ATP9B: variants seen among roughly 807,000 people sequenced by gnomAD.
ATP9B encodes ATPase phospholipid transporting 9B, also known as probable phospholipid-transporting ATPase IIB.
ATP9B carries 110 observed loss-of-function variants against 146.1 expected under a neutral mutation model. The ratio of observed to expected loss-of-function variants is 0.75; its 90% CI spans 0.65 to 0.88. The LOEUF (loss-of-function observed/expected upper bound fraction) is 0.88. Ranked by LOEUF, ATP9B falls within the 40% of genes least tolerant of loss-of-function variation. The pLI is 0.00. For synonymous variants in ATP9B, 604 were observed against 569.7 expected (o/e 1.06, Z -0.86); for missense variants, 1,499 against 1,496.4 (o/e 1.00, Z -0.03).
At chr18:79,249,079 TA>T (rs57366646) in intron 11 of ATP9B, among the ~76,000 whole-genome samples, 12,298 of 140,988 alleles carry the variant, frequency 0.087, 708 homozygotes, top group African/African-American at 0.18. Flanking sequence ...AGCATTCATT[TA>T]AAAAAAAAAA....
At chr18:79,348,009 G>C in intron 24 of ATP9B, 84 bp downstream of exon 24, 2 of 1,598,320 alleles carry the variant, frequency 1.3e-6, no homozygotes, top group African/African-American at 2.8e-5. Context: ...CGGGAGTGGG[G>C]GTGCTGAGTG....
At position 79,157,396 on chromosome 18, in the gene ATP9B, C is replaced by CAAAAA. The variant is rs147316668; in HGVS notation, c.778+2865_778+2869dup. Among the ~76,000 whole-genome samples, 26 of 48,586 alleles carry CAAAAA rather than the reference C, an allele frequency of 5.4e-4. 2 individuals are homozygous for CAAAAA. The highest frequency in any genetic ancestry group is 1.2e-3 in the African/African-American group (12 of 9,950). The allele number at this position is 48,586 out of a possible 152,430, so 31.9% of individuals were successfully genotyped here. Reference sequence around the variant, plus strand: ...GGGTGACGAGAGTGAAACTCCATCTCAAAAAAAAAAAAAAAAAAAAAAAAA... The same window carrying CAAAAA: ...GGGTGACGAGAGTGAAACTCCATCTCAAAAAAAAAAAAAAAAAAAAAAAAAAAAAA... On this transcript the variant is annotated intron_variant, in intron 7 of 29. Coordinates refer to ENST00000426216, the MANE Select transcript of ATP9B (RefSeq NM_198531.5).
intron 13 of ATP9B, among the ~76,000 whole-genome samples, chr18:79,287,905 G>A (rs1459647786): frequency 6.7e-6 from 1 of 149,114 alleles, no homozygotes; most frequent in African/African-American, 2.5e-5. Flanking sequence ...AGGTTGTTCA[G>A]TTTCCATGTA....
chr18:79,337,480 C>A, intron 19 of ATP9B, 31 bp downstream of exon 19: 1 of 1,590,640 alleles, frequency 6.3e-7, no homozygotes, highest in Non-Finnish European at 8.5e-7. Flanking sequence ...CTGGCGCGCG[C>A]TGCTTTTGCT....
chr18:79,256,376 TTAGC>T (rs2096081622), intron 12 of ATP9B, among the ~76,000 whole-genome samples: 2 of 149,728 alleles, frequency 1.3e-5, no homozygotes, highest in Non-Finnish European at 3.0e-5. Flanking sequence ...ATAAACAGCA[TTAGC>T]TAGGTGGTAG....
intron 28 of ATP9B, among the ~76,000 whole-genome samples, chr18:79,374,519 C>T (rs7237398): frequency 0.16 from 10,582 of 66,580 alleles, 77 homozygotes; most frequent in East Asian, 0.24. Context: ...ACTGGCTGGC[C>T]GGTCCCCTGA....
intron 7 of ATP9B, among the ~76,000 whole-genome samples, chr18:79,176,012 C>A (rs914690908): frequency 6.6e-6 from 1 of 152,194 alleles, no homozygotes; most frequent in African/African-American, 2.4e-5. Flanking sequence ...ACCTTACTTT[C>A]TTTATTTCAC....
chr18:79,266,828 T>C (rs2096208568), intron 12 of ATP9B, among the ~76,000 whole-genome samples: 1 of 152,098 alleles, frequency 6.6e-6, no homozygotes, highest in Non-Finnish European at 1.5e-5. Flanking sequence ...TAGTATTTTG[T>C]TTATTATTAG....
At chr18:79,291,745 T>G (rs1274397060) in intron 13 of ATP9B, among the ~76,000 whole-genome samples, 1 of 152,240 alleles carries the variant, frequency 6.6e-6, no homozygotes, top group Non-Finnish European at 1.5e-5. Context: ...CATGATTGAT[T>G]AGCAACGGAA....
intron 7 of ATP9B, chr18:79,173,645 ACT>A: frequency 2.2e-6 from 1 of 446,790 alleles, no homozygotes; most frequent in South Asian, 1.6e-5. Flanking sequence ...TGTTGGGGGG[ACT>A]CTCTCTGGGT....
At chr18:79,264,668 T>G (rs940452694) in intron 12 of ATP9B, among the ~76,000 whole-genome samples, 4 of 97,566 alleles carry the variant, frequency 4.1e-5, no homozygotes, top group African/African-American at 1.1e-4. Flanking sequence ...TGTAAGTGTT[T>G]TTTGTTTTTT....
At chr18:79,328,054 C>G (rs112714658) in intron 15 of ATP9B, among the ~76,000 whole-genome samples, 1,343 of 39,634 alleles carry the variant, frequency 0.034, 4 homozygotes, top group African/African-American at 0.053. Context: ...CGTGCTCTCT[C>G]TGGTTAGCGT....
intron 11 of ATP9B, among the ~76,000 whole-genome samples, chr18:79,230,814 G>A (rs1161885411): frequency 6.6e-6 from 1 of 151,990 alleles, no homozygotes; most frequent in Non-Finnish European, 1.5e-5. Flanking sequence ...TATAAAAACA[G>A]GCATATAGAC....
chr18:79,237,955 A>G (rs1227313432), intron 11 of ATP9B, among the ~76,000 whole-genome samples: 15 of 152,052 alleles, frequency 9.9e-5, no homozygotes, highest in South Asian at 2.1e-4. Flanking sequence ...TTCTCAAAGT[A>G]TTGGAATTAC....
intron 1 of ATP9B, among the ~76,000 whole-genome samples, chr18:79,091,089 C>T (rs185132161): frequency 7.9e-5 from 12 of 152,152 alleles, no homozygotes; most frequent in Admixed American, 2.0e-4. Context: ...ACAAGTTCAC[C>T]ATAGATGTGT....
intron 2 of ATP9B, among the ~76,000 whole-genome samples, chr18:79,099,121 A>G (rs551802768): frequency 1.5e-4 from 23 of 152,254 alleles, no homozygotes; most frequent in African/African-American, 4.3e-4. Flanking sequence ...TCAGGTCTCC[A>G]ATATTCTTCC....
At chr18:79,154,453 A>G (rs754050054) in intron 6 of ATP9B, 51 bp from the exon 7 acceptor site, 7 of 1,304,372 alleles carry the variant, frequency 5.4e-6, no homozygotes, top group African/African-American at 1.5e-5. Flanking sequence ...GAATTGTGTT[A>G]ATTTGTAAAC....
At position 79,292,118 on chromosome 18, in the gene ATP9B, CTTTA is replaced by C. The variant is rs146580791; in HGVS notation, c.1412-11480_1412-11477del. On this transcript the variant is annotated intron_variant, in intron 13 of 29. Transcript: ENST00000426216. ...TATTCCATCGTGTGGATACACCACA[CTTTA>C]TTTATCCATTCATAAGGTGATGGAC... Among the ~76,000 whole-genome samples the C allele has an allele frequency of 6.7e-3, 1,017 of 152,348 alleles. 4 individuals carry two copies. The highest frequency in any genetic ancestry group is 0.023 in the African/African-American group (941 of 41,570).
chr18:79,213,608 T>G (rs1600532394), intron 10 of ATP9B, among the ~76,000 whole-genome samples: 1 of 152,154 alleles, frequency 6.6e-6, no homozygotes, highest in African/African-American at 2.4e-5. Context: ...GTTTGATTAG[T>G]TAAGGATATA....
Sources: allele counts gnomAD v4.1 joint callset (sites outside exome capture counted in the v4.1 genomes callset), GRCh38; gene constraint gnomAD v4.1.1; transcripts MANE v1.5; gene names NCBI Gene and HGNC (gene_info 2026-07-23, HGNC 2026-07-21).